Variants in GSK3B observed in about 807,000 individuals in gnomAD.
The protein encoded by GSK3B is glycogen synthase kinase-3 beta.
GSK3B carries 15 observed loss-of-function variants against 56.4 expected under a neutral mutation model. The ratio of observed to expected loss-of-function variants is 0.27; its 90% CI spans 0.18 to 0.41. GSK3B has a LOEUF of 0.41. GSK3B is among the 10% of genes least tolerant of loss of function. The pLI is 1.00. For missense variants in GSK3B, 300 were observed against 513.4 expected, an observed-to-expected ratio of 0.58 and a Z score of 4.02; for synonymous variants, 181 against 188.9, an observed-to-expected ratio of 0.96 and a Z score of 0.34.
chr3:119,830,884 C>G (rs2055587926), intron 10 of GSK3B, among the ~76,000 whole-genome samples: 1 of 152,182 alleles, frequency 6.6e-6, no homozygotes, highest in Non-Finnish European at 1.5e-5. Flanking sequence ...AGCACAGTAT[C>G]TGGCATACAG....
At chr3:119,837,811 C>T (rs1361291546) in intron 10 of GSK3B, among the ~76,000 whole-genome samples, 1 of 149,988 alleles carries the variant, frequency 6.7e-6, no homozygotes, top group African/African-American at 2.4e-5. Flanking sequence ...GATGAATGGT[C>T]TCCTAAATGG....
intron 7 of GSK3B, among the ~76,000 whole-genome samples, chr3:119,903,668 A>G (rs946161841): frequency 2.6e-5 from 4 of 152,238 alleles, no homozygotes; most frequent in Non-Finnish European, 5.9e-5. Context: ...GAATTATCAC[A>G]GATGCTCACT....
chr3:119,913,100 C>T (rs1019005656), intron 5 of GSK3B, among the ~76,000 whole-genome samples: 1 of 152,066 alleles, frequency 6.6e-6, no homozygotes, highest in Admixed American at 6.6e-5. Context: ...ATCCTCTGTT[C>T]CCCAAATTCC....
At chr3:119,926,364 C>T (rs111992506) in intron 3 of GSK3B, among the ~76,000 whole-genome samples, 1 of 150,806 alleles carries the variant, frequency 6.6e-6, no homozygotes, top group Admixed American at 6.6e-5. Context: ...ACCCCTATAC[C>T]CACACATACA....
chr3:120,078,358 C>A (rs1287013794), intron 1 of GSK3B, among the ~76,000 whole-genome samples: 1 of 152,098 alleles, frequency 6.6e-6, no homozygotes, highest in Non-Finnish European at 1.5e-5. Context: ...GATACCATAG[C>A]CCACACAGTG....
chr3:119,823,836 G>A lies in GSK3B; in HGVS notation c.*2952C>T, dbSNP rs565762822. 1.9e-4 allele frequency: 39 copies of A among 200,156 alleles called. No individual in the cohort carries two copies. The highest frequency in any genetic ancestry group is 8.9e-4 in the African/African-American group (39 of 43,612). 12.4% of individuals were successfully genotyped at this position (200,156 alleles called of 1,614,324 possible). A position where few individuals can be genotyped will look rare whatever the true frequency, so the allele number is the denominator to read the frequency against. On this transcript the variant is annotated 3_prime_UTR_variant, in exon 11 of 11. Coordinates refer to ENST00000264235, the MANE Select transcript of GSK3B (RefSeq NM_001146156.2). ...GGAAGGGGCAAAGATACTGTTATGAGTGAGTTATTATTTCAAAGGGAAAGG... is the reference window on the plus strand; with the variant it reads ...GGAAGGGGCAAAGATACTGTTATGAATGAGTTATTATTTCAAAGGGAAAGG...
intron 1 of GSK3B, among the ~76,000 whole-genome samples, chr3:120,054,174 C>T (rs990046992): frequency 6.6e-6 from 1 of 152,200 alleles, no homozygotes; most frequent in Admixed American, 6.5e-5. Flanking sequence ...AAAAACATTT[C>T]TCTAGAAAGT....
chr3:120,053,127 A>G (rs1005482148), intron 1 of GSK3B, among the ~76,000 whole-genome samples: 1 of 152,206 alleles, frequency 6.6e-6, no homozygotes, highest in Non-Finnish European at 1.5e-5. Flanking sequence ...ACCTGAGGTC[A>G]GGAGTTCGAG....
intron 2 of GSK3B, among the ~76,000 whole-genome samples, chr3:119,994,251 T>G (rs909141625): frequency 7.9e-5 from 12 of 152,016 alleles, no homozygotes; most frequent in Non-Finnish European, 1.5e-4. Flanking sequence ...TATATACAAT[T>G]AAATGAGAGT....
chr3:119,916,206 T>C, intron 4 of GSK3B, 32 bp from the exon 5 acceptor site: 1 of 1,555,802 alleles, frequency 6.4e-7, no homozygotes, highest in Non-Finnish European at 8.9e-7. Flanking sequence ...AATTAAATAC[T>C]TCCTATTCTA....
chr3:120,034,316 C>G (rs534914015), intron 1 of GSK3B, among the ~76,000 whole-genome samples: 1 of 152,214 alleles, frequency 6.6e-6, no homozygotes, highest in South Asian at 2.1e-4. Context: ...AAAACTTACT[C>G]CTATGTTTTC....
rs1008617259 is a variant in GSK3B at position 119,824,605 on chromosome 3, C to T, written c.*2183G>A. The T allele has an allele frequency of 4.4e-5, 9 of 204,212 alleles. No homozygotes were observed. The highest frequency in any genetic ancestry group is 1.5e-4 in the East Asian group (2 of 13,426). The allele number at this position is 204,212 out of a possible 1,614,324, so 12.7% of individuals were successfully genotyped here. A position where few individuals can be genotyped will look rare whatever the true frequency, so the allele number is the denominator to read the frequency against. On this transcript the variant is annotated 3_prime_UTR_variant, in exon 11 of 11. Coordinates refer to ENST00000264235, the MANE Select transcript of GSK3B (RefSeq NM_001146156.2). ...ATTCTGTCTGAAAATGGTCTATCAA[C>T]GCCACTACCTTTAAGGAGTTATGCT...
In GSK3B at chr3:119,975,674, A is replaced by G. The variant is rs376848418; in HGVS notation, c.282+26372T>C. Among the ~76,000 whole-genome samples the G allele has an allele frequency of 5.3e-5, 8 of 152,342 alleles. No homozygotes were observed. In the East Asian group the frequency reaches 1.4e-3, roughly 26 times the overall value. On this transcript the variant is annotated intron_variant, in intron 2 of 10. Transcript: ENST00000264235. The stretch of plus-strand genomic sequence containing the variant: ...AGTGCAGTATTTTGTATGATACTCT[A>G]ATAGTAGATACATGTCCCTATACAA...
chr3:119,902,021 T>C (rs140930271), intron 7 of GSK3B, among the ~76,000 whole-genome samples: 1 of 152,156 alleles, frequency 6.6e-6, no homozygotes, highest in Non-Finnish European at 1.5e-5. Flanking sequence ...TTAATACGAG[T>C]TCCCTACTTA....
intron 4 of GSK3B, among the ~76,000 whole-genome samples, chr3:119,917,623 T>C (rs1184619405): frequency 6.6e-6 from 1 of 151,276 alleles, no homozygotes; most frequent in Non-Finnish European, 1.5e-5. Context: ...AGGGTATTGA[T>C]GTCTAGGTCT....
At chr3:119,851,801 T>A (rs1009696822) in intron 9 of GSK3B, among the ~76,000 whole-genome samples, 1 of 152,246 alleles carries the variant, frequency 6.6e-6, no homozygotes, top group South Asian at 2.1e-4. Context: ...TGGTTGTCTA[T>A]ACAGTTAAAA....
intron 1 of GSK3B, among the ~76,000 whole-genome samples, chr3:120,019,529 C>T (rs1244848495): frequency 1.3e-5 from 2 of 152,338 alleles, no homozygotes; most frequent in East Asian, 1.9e-4. Context: ...TCCTAGGTTA[C>T]TCTGTCTTCC....
intron 1 of GSK3B, among the ~76,000 whole-genome samples, chr3:120,084,346 AAT>A (rs1372345214): frequency 6.6e-6 from 1 of 152,178 alleles, no homozygotes; most frequent in African/African-American, 2.4e-5. Context: ...AATTTTAAGA[AAT>A]AGATAAAAAG....
chr3:120,024,237 G>T (rs1336902231), intron 1 of GSK3B, among the ~76,000 whole-genome samples: 2 of 152,120 alleles, frequency 1.3e-5, no homozygotes, highest in African/African-American at 4.8e-5. Flanking sequence ...TTGGAAGGCT[G>T]AGGTGGGAGA....
Sources: gnomAD v4.1 joint callset for allele counts (sites outside exome capture counted in the v4.1 genomes callset) on GRCh38, gnomAD v4.1.1 for gene constraint, MANE v1.5 for transcripts, NCBI Gene and HGNC (gene_info 2026-07-23, HGNC 2026-07-21) for gene names.